The following RAD51B variants were observed in gnomAD, a reference collection of about 807,000 sequenced individuals.
RAD51B encodes RAD51 paralog B.
Under a neutral mutation model 42.2 loss-of-function variants are expected in RAD51B, and 38 were observed. The observed-to-expected ratio is 0.90, with a 90% CI of 0.70 to 1.18. RAD51B has a LOEUF of 1.18. Ranked by LOEUF, RAD51B falls within the 50% of genes most tolerant of loss-of-function variation. The pLI is 0.00. For synonymous variants in RAD51B, 154 were observed against 145.2 expected, an observed-to-expected ratio of 1.06 and a Z score of -0.43; for missense variants, 373 against 400.7, an observed-to-expected ratio of 0.93 and a Z score of 0.59.
intron 7 of RAD51B, among the ~76,000 whole-genome samples, chr14:68,202,363 G>A (rs1331357602): frequency 3.3e-5 from 5 of 151,918 alleles, no homozygotes; most frequent in Non-Finnish European, 7.4e-5. Context: ...TTGCTCTATA[G>A]CATGTCATAA....
At chr14:68,319,892 A>G (rs1235430853) in intron 8 of RAD51B, among the ~76,000 whole-genome samples, 1 of 152,160 alleles carries the variant, frequency 6.6e-6, no homozygotes, top group Non-Finnish European at 1.5e-5. Context: ...CTGAGTTCAT[A>G]CTGCCTTCTA....
intron 7 of RAD51B, among the ~76,000 whole-genome samples, chr14:68,048,642 T>A (rs1189080083): frequency 6.6e-6 from 1 of 152,158 alleles, no homozygotes; most frequent in East Asian, 1.9e-4. Context: ...GAAATGCAAA[T>A]CAAAACCACA....
intron 8 of RAD51B, among the ~76,000 whole-genome samples, chr14:68,307,393 G>A (rs2081889347): frequency 6.6e-6 from 1 of 152,228 alleles, no homozygotes; most frequent in Non-Finnish European, 1.5e-5. Context: ...ACACAATGGA[G>A]CATATCCGAT....
At chr14:68,441,386 C>T (rs1311245487) in intron 9 of RAD51B, among the ~76,000 whole-genome samples, 1 of 143,006 alleles carries the variant, frequency 7.0e-6, no homozygotes, top group African/African-American at 2.5e-5. Context: ...AGTAAAAAAA[C>T]AAAAAATTAG....
intron 10 of RAD51B, among the ~76,000 whole-genome samples, chr14:68,515,008 G>A (rs1886034448): frequency 6.6e-6 from 1 of 152,190 alleles, no homozygotes; most frequent in South Asian, 2.1e-4. Flanking sequence ...ACCTAGCCCA[G>A]AAAACCTCTG....
chr14:68,668,973 A>C (rs991791551), intron 11 of RAD51B, among the ~76,000 whole-genome samples: 1 of 152,382 alleles, frequency 6.6e-6, no homozygotes, highest in South Asian at 2.1e-4. Flanking sequence ...GGATTTCAAG[A>C]CCTAAACAGT....
intron 7 of RAD51B, among the ~76,000 whole-genome samples, chr14:68,133,896 C>T (rs774126927): frequency 1.3e-5 from 2 of 152,122 alleles, no homozygotes; most frequent in Admixed American, 6.5e-5. Flanking sequence ...CTTCACCCAG[C>T]CTTCCCCAGT....
chr14:68,606,493 A>C (rs1487314661), intron 10 of RAD51B, among the ~76,000 whole-genome samples: 1 of 152,218 alleles, frequency 6.6e-6, no homozygotes, highest in Non-Finnish European at 1.5e-5. Flanking sequence ...CAACCTAAAA[A>C]AAGATTTCAT....
chr14:68,593,573 G>T (rs761366868), intron 10 of RAD51B, among the ~76,000 whole-genome samples: 2 of 152,226 alleles, frequency 1.3e-5, no homozygotes, highest in Non-Finnish European at 2.9e-5. Context: ...TAGTATAAAA[G>T]GTTGGCAAAT....
intron 7 of RAD51B, among the ~76,000 whole-genome samples, chr14:68,112,064 G>A (rs2077468780): frequency 6.6e-6 from 1 of 151,986 alleles, no homozygotes; most frequent in Non-Finnish European, 1.5e-5. Flanking sequence ...CAGTAGGTAT[G>A]GTGTTATTAC....
intron 8 of RAD51B, among the ~76,000 whole-genome samples, chr14:68,311,797 G>T (rs1179458157): frequency 6.6e-6 from 1 of 152,246 alleles, no homozygotes; most frequent in African/African-American, 2.4e-5. Context: ...TGAGGCAGGA[G>T]AATTGCTTGA....
At chr14:68,563,461 A>G (rs1431514924) in intron 10 of RAD51B, 24 of 985,354 alleles carry the variant, frequency 2.4e-5, no homozygotes, top group Non-Finnish European at 2.9e-5. Context: ...AACAGAGTAC[A>G]CATGTTGTGA....
At chr14:68,446,872 G>C (rs746408802) in intron 9 of RAD51B, among the ~76,000 whole-genome samples, 2 of 151,930 alleles carry the variant, frequency 1.3e-5, no homozygotes. Flanking sequence ...TCCCTTTTTT[G>C]TTTGGTCTCA....
At chr14:68,613,704 T>C (rs550686182), downstream of RAD51B, among the ~76,000 whole-genome samples, 118 of 152,230 alleles carry the variant, frequency 7.8e-4, no homozygotes, top group African/African-American at 2.8e-3. Context: ...TCCACCCGCC[T>C]TGACCTCCCA....
intron 7 of RAD51B, among the ~76,000 whole-genome samples, chr14:68,157,866 A>G (rs555743734): frequency 2.5e-4 from 38 of 152,344 alleles, no homozygotes; most frequent in African/African-American, 7.7e-4. Context: ...TATTATTTTC[A>G]AAGTCAGAAA....
intron 9 of RAD51B, among the ~76,000 whole-genome samples, chr14:68,463,241 A>C (rs1032708501): frequency 1.3e-5 from 2 of 152,194 alleles, no homozygotes; most frequent in Non-Finnish European, 2.9e-5. Context: ...ATTCAGATCA[A>C]AAAAAGGGAG....
intron 7 of RAD51B, among the ~76,000 whole-genome samples, chr14:68,211,287 C>T (rs2079700590): frequency 6.6e-6 from 1 of 152,184 alleles, no homozygotes; most frequent in Non-Finnish European, 1.5e-5. Context: ...GTTCAAGGGC[C>T]TTGCTCCCTG....
downstream of RAD51B, among the ~76,000 whole-genome samples, chr14:68,596,239 C>T (rs10133460): frequency 0.11 from 16,556 of 152,030 alleles, 1,053 homozygotes; most frequent in South Asian, 0.23. Flanking sequence ...TTCTACCTGG[C>T]GCTGGGAATT....
intron 3 of RAD51B, among the ~76,000 whole-genome samples, chr14:67,828,162 A>C (rs2040897681): frequency 6.6e-6 from 1 of 152,060 alleles, no homozygotes; most frequent in African/African-American, 2.4e-5. Flanking sequence ...TTGTTTCTTG[A>C]CTTTTTAGTA....
Sources: gnomAD v4.1 joint callset for allele counts (sites outside exome capture counted in the v4.1 genomes callset) on GRCh38, gnomAD v4.1.1 for gene constraint, MANE v1.5 for transcripts, NCBI Gene and HGNC (gene_info 2026-07-23, HGNC 2026-07-21) for gene names.